The following LRP1B variants were observed in gnomAD, a reference collection of about 807,000 sequenced individuals.
LRP1B encodes low-density lipoprotein receptor-related protein 1B.
LRP1B carries 217 observed loss-of-function variants against 556.6 expected under a neutral mutation model. The ratio of observed to expected loss-of-function variants is 0.39; its 90% confidence interval spans 0.35 to 0.44. LRP1B has a LOEUF of 0.44. Among genes scored for constraint, LRP1B ranks in the 20% least tolerant of loss-of-function variants. The pLI, the probability that LRP1B is intolerant of heterozygous loss-of-function variation, is 1.00. For missense variants in LRP1B, 5,053 were observed against 5,620.8 expected (o/e 0.90, Z 3.23); for synonymous variants, 2,047 against 1,865.8 (o/e 1.10, Z -2.50).
chr2:140,465,246 A>G (rs1362384078), intron 60 of LRP1B, among the ~76,000 whole-genome samples: 1 of 152,148 alleles, frequency 6.6e-6, no homozygotes, highest in Non-Finnish European at 1.5e-5. Context: ...AGCACAAACC[A>G]TAAGGGATCT....
chr2:142,120,014 T>C (rs997736675), intron 1 of LRP1B, among the ~76,000 whole-genome samples: 3 of 152,068 alleles, frequency 2.0e-5, no homozygotes, highest in Non-Finnish European at 4.4e-5. Flanking sequence ...ATCCAAGGGC[T>C]CTAATTGTCC....
chr2:140,415,204 G>A (rs769637018), intron 66 of LRP1B, among the ~76,000 whole-genome samples: 1 of 151,706 alleles, frequency 6.6e-6, no homozygotes, highest in African/African-American at 2.4e-5. Context: ...GACAATACTT[G>A]CACTGCTGAA....
chr2:140,329,158 C>T (rs377704927), intron 79 of LRP1B, among the ~76,000 whole-genome samples: 4 of 151,984 alleles, frequency 2.6e-5, no homozygotes, highest in African/African-American at 7.2e-5. Context: ...ATTCATTAAC[C>T]CTACATACTC....
In LRP1B at chr2:142,094,822, G is replaced by A. The variant is rs551478343; in HGVS notation, c.82+35826C>T. Reference sequence around the variant, plus strand: ...TAATAAATATTTAGTAATAAATTTCGTTAGCACTTAAAGTCAGTTTCCTTT... The same window carrying A: ...TAATAAATATTTAGTAATAAATTTCATTAGCACTTAAAGTCAGTTTCCTTT... On this transcript the variant is annotated intron_variant, in intron 1 of 90. Coordinates refer to ENST00000389484, the MANE Select transcript of LRP1B (RefSeq NM_018557.3). Among the ~76,000 whole-genome samples, 7 of 151,462 alleles carry A rather than the reference G, an allele frequency of 4.6e-5. No individual in the cohort carries two copies. The South Asian group carries it at 6.2e-4, about 14-fold the overall frequency.
intron 41 of LRP1B, among the ~76,000 whole-genome samples, chr2:140,625,677 A>G (rs1350229932): frequency 6.6e-6 from 1 of 152,174 alleles, no homozygotes; most frequent in Non-Finnish European, 1.5e-5. Context: ...CAAAACAACA[A>G]TGAGATACTA....
intron 35 of LRP1B, among the ~76,000 whole-genome samples, chr2:140,748,783 T>C (rs1559094608): frequency 1.8e-5 from 1 of 56,206 alleles, no homozygotes; most frequent in African/African-American, 5.4e-5. Flanking sequence ...AATATGTATA[T>C]AATATATATT....
chr2:140,237,792 C>A lies in LRP1B; in HGVS notation c.13560+360G>T, dbSNP rs77611263. Among the ~76,000 whole-genome samples the A allele has an allele frequency of 2.5e-3, 375 of 150,748 alleles. 2 individuals are homozygous for A. The highest frequency in any genetic ancestry group is 8.6e-3 in the African/African-American group (357 of 41,338). On this transcript the variant is annotated intron_variant, in intron 89 of 90. Coordinates refer to ENST00000389484, the MANE Select transcript of LRP1B (RefSeq NM_018557.3). ...ATATCTATCTATCCCCTGAAGAAGA[C>A]CTAAACAATTTGCTGTGTGATATCA...
chr2:140,423,901 G>C (rs1314290296), intron 66 of LRP1B, among the ~76,000 whole-genome samples: 1 of 151,976 alleles, frequency 6.6e-6, no homozygotes, highest in African/African-American at 2.4e-5. Context: ...AATATCGCTA[G>C]AAAAGTTTTC....
chr2:141,685,134 T>C (rs1038604599), intron 2 of LRP1B, among the ~76,000 whole-genome samples: 3 of 152,130 alleles, frequency 2.0e-5, no homozygotes, highest in East Asian at 1.9e-4. Context: ...TTTTCTTCTT[T>C]TTAAAATAGG....
chr2:140,727,856 A>G (rs1687648523), intron 35 of LRP1B, among the ~76,000 whole-genome samples: 1 of 152,228 alleles, frequency 6.6e-6, no homozygotes, highest in Non-Finnish European at 1.5e-5. Flanking sequence ...AAGGGATTCA[A>G]TAATAAAGTG....
At chr2:141,518,974 G>A (rs1172880970) in intron 2 of LRP1B, among the ~76,000 whole-genome samples, 1 of 151,888 alleles carries the variant, frequency 6.6e-6, no homozygotes, top group Non-Finnish European at 1.5e-5. Flanking sequence ...TAAAATAGGA[G>A]AGAGAAAGAG....
intron 2 of LRP1B, among the ~76,000 whole-genome samples, chr2:141,627,638 G>C (rs543742477): frequency 2.0e-5 from 3 of 152,280 alleles, no homozygotes; most frequent in Non-Finnish European, 4.4e-5. Flanking sequence ...TAAATATAAT[G>C]CGTTTGGATC....
intron 31 of LRP1B, among the ~76,000 whole-genome samples, chr2:140,836,306 AT>A (rs1691900744): frequency 2.0e-5 from 3 of 152,134 alleles, no homozygotes; most frequent in South Asian, 4.1e-4. Context: ...AAGGTAAGAG[AT>A]TTGTTTAAAG....
At chr2:141,304,623 G>A (rs1248727956) in intron 3 of LRP1B, among the ~76,000 whole-genome samples, 1 of 151,116 alleles carries the variant, frequency 6.6e-6, no homozygotes, top group Non-Finnish European at 1.5e-5. Flanking sequence ...GGTATTACAG[G>A]CATGCACCAC....
At chr2:141,649,474 C>T (rs896525200) in intron 2 of LRP1B, among the ~76,000 whole-genome samples, 8 of 152,018 alleles carry the variant, frequency 5.3e-5, no homozygotes, top group African/African-American at 7.2e-5. Flanking sequence ...AAGAAAAATG[C>T]TCAAGCTATC....
At chr2:141,448,090 C>A (rs890974396) in intron 3 of LRP1B, among the ~76,000 whole-genome samples, 4 of 152,198 alleles carry the variant, frequency 2.6e-5, no homozygotes, top group African/African-American at 9.7e-5. Flanking sequence ...GGGGCTGCTG[C>A]CTTTCTTTCA....
chr2:141,045,091 TA>T (rs574473618), intron 11 of LRP1B, among the ~76,000 whole-genome samples: 13,846 of 148,860 alleles, frequency 0.093, 708 homozygotes, highest in African/African-American at 0.13. Context: ...TATGCAGCCA[TA>T]AAAAATGATG....
chr2:141,030,081 A>G (rs962167158), intron 11 of LRP1B, among the ~76,000 whole-genome samples: 50 of 152,194 alleles, frequency 3.3e-4, no homozygotes, highest in Non-Finnish European at 7.4e-5. Flanking sequence ...TGATTCCTCT[A>G]AATGAGTTTT....
chr2:140,501,821 TG>T lies in LRP1B; in HGVS notation c.8715del (p.Ser2906ValfsTer22). 1 of 1,611,568 alleles carries T rather than the reference TG, an allele frequency of 6.2e-7. No individual in the cohort carries two copies. Among genetic ancestry groups the T allele is most frequent in the South Asian group, 1.1e-5 (1 of 90,840 alleles). Reference sequence around the variant, plus strand: ...TCCTTATTGTCGCAAAGACCTCCACTGGGAATGCACCTGCCATTTTTGCACA... The same window carrying T: ...TCCTTATTGTCGCAAAGACCTCCACTGGAATGCACCTGCCATTTTTGCACA... ...FFMCKNGRCI[P>X]SGGLCDNKDD... On this transcript the variant is annotated frameshift_variant, in exon 55 of 91. Coordinates refer to ENST00000389484, the MANE Select transcript of LRP1B (RefSeq NM_018557.3). LOFTEE classifies it high-confidence loss of function.
Sources: allele counts gnomAD v4.1 joint callset (sites outside exome capture counted in the v4.1 genomes callset), GRCh38; gene constraint gnomAD v4.1.1; transcripts MANE v1.5; gene names NCBI Gene and HGNC (gene_info 2026-07-23, HGNC 2026-07-21).